MDFIC: variants seen among roughly 807,000 people sequenced by gnomAD.
The protein encoded by MDFIC is myoD family inhibitor domain-containing protein.
Under a neutral mutation model 23.2 loss-of-function variants are expected in MDFIC, and 17 were observed. The ratio of observed to expected loss-of-function variants is 0.73; its 90% CI spans 0.50 to 1.10. The LOEUF (loss-of-function observed/expected upper bound fraction) is 1.10. MDFIC is among the 50% of genes least tolerant of loss of function. The pLI is 0.00. For synonymous variants in MDFIC, 120 were observed against 115.2 expected, an observed-to-expected ratio of 1.04 and a Z score of -0.27; for missense variants, 356 against 316.6, an observed-to-expected ratio of 1.12 and a Z score of -0.95.
chr7:114,923,221 TGAGGAGGGGCTCCCACTCGTAGTTGA>T (rs1051191684), intron 2 of MDFIC, 94 bp downstream of exon 2: 10 of 1,443,826 alleles, frequency 6.9e-6, no homozygotes, highest in Non-Finnish European at 9.4e-6. Context: ...GGGAGTGCTG[TGAGGAGGGGCTCCCACTCGTAGTTGA>T]GAACTTTTGC....
intron 2 of MDFIC, among the ~76,000 whole-genome samples, chr7:114,928,921 C>T (rs966687674): frequency 6.6e-6 from 1 of 152,140 alleles, no homozygotes. Flanking sequence ...TAGAGCTTTA[C>T]TCAGCTGTGA....
At chr7:114,929,200 G>T (rs991308733) in intron 2 of MDFIC, among the ~76,000 whole-genome samples, 3 of 151,264 alleles carry the variant, frequency 2.0e-5, no homozygotes, top group Non-Finnish European at 4.4e-5. Context: ...TCCACCTCCC[G>T]GGTTCAAGCG....
At chr7:114,987,934 A>T (rs1013914612) in intron 4 of MDFIC, among the ~76,000 whole-genome samples, 1 of 152,198 alleles carries the variant, frequency 6.6e-6, no homozygotes, top group African/African-American at 2.4e-5. Context: ...TTGTTATCAT[A>T]CCTATGTATT....
At chr7:114,961,354 C>T (rs1585103820) in intron 3 of MDFIC, among the ~76,000 whole-genome samples, 1 of 152,092 alleles carries the variant, frequency 6.6e-6, no homozygotes, top group South Asian at 2.1e-4. Context: ...TTAATCTTAC[C>T]TCCTCCTGGT....
chr7:114,944,736 A>G (rs1013826773), intron 3 of MDFIC, among the ~76,000 whole-genome samples: 2 of 152,180 alleles, frequency 1.3e-5, no homozygotes, highest in Non-Finnish European at 1.5e-5. Flanking sequence ...AGCATCTCGC[A>G]CATTTTGGGG....
intron 3 of MDFIC, among the ~76,000 whole-genome samples, chr7:114,953,097 C>T (rs1371394773): frequency 6.6e-6 from 1 of 152,174 alleles, no homozygotes; most frequent in Non-Finnish European, 1.5e-5. Context: ...TACTACAGAA[C>T]ATGGAAGATT....
chr7:114,931,956 CTT>C (rs999250218), intron 2 of MDFIC, among the ~76,000 whole-genome samples: 2 of 152,146 alleles, frequency 1.3e-5, no homozygotes, highest in Non-Finnish European at 2.9e-5. Flanking sequence ...TCCTCCTACT[CTT>C]TTTCAAGGTG....
chr7:115,014,011 C>A (rs1443615944), intron 4 of MDFIC: 4 of 985,228 alleles, frequency 4.1e-6, no homozygotes, highest in Non-Finnish European at 4.8e-6. Flanking sequence ...TAAAAGTGGG[C>A]TTGGCACTAA....
intron 2 of MDFIC, among the ~76,000 whole-genome samples, chr7:114,934,554 C>A (rs1792388415): frequency 6.6e-6 from 1 of 152,170 alleles, no homozygotes; most frequent in South Asian, 2.1e-4. Context: ...GAGTCAGTAT[C>A]ATTTTCCCAC....
intron 3 of MDFIC, among the ~76,000 whole-genome samples, chr7:114,963,755 G>T (rs1793038820): frequency 6.6e-6 from 1 of 152,020 alleles, no homozygotes; most frequent in African/African-American, 2.4e-5. Context: ...TAATTTTATT[G>T]TTTTTGTAGA....
At chr7:114,996,219 G>A (rs752299565) in intron 4 of MDFIC, among the ~76,000 whole-genome samples, 5 of 152,180 alleles carry the variant, frequency 3.3e-5, no homozygotes, top group Non-Finnish European at 7.3e-5. Flanking sequence ...GACCTGCCAT[G>A]ACACCATTGC....
At chr7:114,947,950 T>G (rs1322202850) in intron 3 of MDFIC, among the ~76,000 whole-genome samples, 1 of 152,194 alleles carries the variant, frequency 6.6e-6, no homozygotes, top group Non-Finnish European at 1.5e-5. Flanking sequence ...TTGTTTTGTT[T>G]TGTTTTTTAA....
intron 4 of MDFIC, among the ~76,000 whole-genome samples, chr7:115,009,701 A>C (rs1791642622): frequency 6.6e-6 from 1 of 152,230 alleles, no homozygotes; most frequent in Non-Finnish European, 1.5e-5. Flanking sequence ...CTCTCCACAT[A>C]ATAGGCCAGC....
At position 115,009,076 on chromosome 7, in the gene MDFIC, A is replaced by G. The variant is rs184196753; in HGVS notation, c.494-6612A>G. ...ACTCTTATTGTTCATGCTTTAATCC[A>G]TGGTCTTTGGCATATTATTGGCCTG... On this transcript the variant is annotated intron_variant, in intron 4 of 4. Transcript: ENST00000393486. 2.6e-5 allele frequency among the ~76,000 whole-genome samples: 4 copies of G among 152,298 alleles called. No individual in the cohort carries two copies. In the East Asian group the frequency reaches 7.7e-4, roughly 29 times the overall value.
At chr7:115,008,528 C>T (rs1002330804) in intron 4 of MDFIC, among the ~76,000 whole-genome samples, 2 of 152,086 alleles carry the variant, frequency 1.3e-5, no homozygotes, top group Admixed American at 6.5e-5. Context: ...TGTGCCAGAG[C>T]GTTCTGTGTA....
At chr7:114,932,863 GAA>G (rs1792341997) in intron 2 of MDFIC, among the ~76,000 whole-genome samples, 1 of 152,158 alleles carries the variant, frequency 6.6e-6, no homozygotes, top group Admixed American at 6.5e-5. Context: ...TGAAGTCCCA[GAA>G]TTCAATTTCA....
intron 4 of MDFIC, among the ~76,000 whole-genome samples, chr7:115,007,027 A>G (rs1452349741): frequency 6.6e-6 from 1 of 152,194 alleles, no homozygotes; most frequent in African/African-American, 2.4e-5. Context: ...GCCAAACACA[A>G]GGTTACTAAT....
chr7:114,979,855 C>T, intron 4 of MDFIC, 74 bp downstream of exon 4: 11 of 1,505,368 alleles, frequency 7.3e-6, no homozygotes, highest in Non-Finnish European at 1.0e-5. Flanking sequence ...TTTGATCAAG[C>T]ATATATAATT....
At chr7:114,960,118 A>G (rs1792958163) in intron 3 of MDFIC, among the ~76,000 whole-genome samples, 1 of 152,168 alleles carries the variant, frequency 6.6e-6, no homozygotes, top group African/African-American at 2.4e-5. Context: ...AAACTTTTGC[A>G]TCTTTGAAAT....
Sources: gnomAD v4.1 joint callset for allele counts (sites outside exome capture counted in the v4.1 genomes callset) on GRCh38, gnomAD v4.1.1 for gene constraint, MANE v1.5 for transcripts, NCBI Gene and HGNC (gene_info 2026-07-23, HGNC 2026-07-21) for gene names.